Variants in PRKCA observed in about 807,000 individuals in gnomAD.
The protein encoded by PRKCA is protein kinase C alpha.
In PRKCA, 27 loss-of-function variants were observed where a neutral mutation model predicts 87.0. That is an observed-to-expected ratio of 0.31 (90% CI 0.23 to 0.43). The LOEUF is 0.43. PRKCA is among the 20% of genes least tolerant of loss of function. The pLI is 1.00. For synonymous variants in PRKCA, 329 were observed against 311.1 expected (o/e 1.06, Z -0.61); for missense variants, 518 against 852.3 (o/e 0.61, Z 4.88).
At chr17:66,464,960 A>T (rs1207712480) in intron 2 of PRKCA, among the ~76,000 whole-genome samples, 1 of 152,080 alleles carries the variant, frequency 6.6e-6, no homozygotes, top group Non-Finnish European at 1.5e-5. Flanking sequence ...GGTCATCTAG[A>T]TCTTTCTCCT....
intron 8 of PRKCA, among the ~76,000 whole-genome samples, chr17:66,713,251 C>T (rs983580412): frequency 9.2e-5 from 14 of 152,078 alleles, no homozygotes; most frequent in Middle Eastern, 3.4e-3. Flanking sequence ...GGGGTTTCAC[C>T]ATATTCACCA....
intron 8 of PRKCA, among the ~76,000 whole-genome samples, chr17:66,710,451 A>C (rs949905018): frequency 6.6e-6 from 1 of 151,942 alleles, no homozygotes; most frequent in African/African-American, 2.4e-5. Flanking sequence ...CAGGGCTGTC[A>C]TGTCCGCTTC....
intron 2 of PRKCA, among the ~76,000 whole-genome samples, chr17:66,393,420 C>T (rs1180656626): frequency 1.3e-5 from 2 of 152,160 alleles, no homozygotes; most frequent in East Asian, 1.9e-4. Context: ...CACACACACA[C>T]ACATCACATT....
chr17:66,509,080 C>T (rs1382707910), intron 3 of PRKCA, among the ~76,000 whole-genome samples: 3 of 152,104 alleles, frequency 2.0e-5, no homozygotes, highest in East Asian at 1.9e-4. Context: ...CTTCCCCTGG[C>T]GCTGTGTTTC....
intron 14 of PRKCA, chr17:66,775,697 GAA>G (rs1231904331): frequency 8.1e-6 from 8 of 985,308 alleles, no homozygotes; most frequent in South Asian, 4.7e-5. Flanking sequence ...TGTTTCTGGG[GAA>G]AAAGTCTTCC....
At chr17:66,631,154 A>G (rs1366084588) in intron 3 of PRKCA, among the ~76,000 whole-genome samples, 1 of 152,200 alleles carries the variant, frequency 6.6e-6, no homozygotes. Flanking sequence ...TTTGTTGTGG[A>G]AAGCCACTGA....
At chr17:66,797,038 A>C (rs1242650775) in intron 16 of PRKCA, 2 of 940,778 alleles carry the variant, frequency 2.1e-6, no homozygotes, top group Non-Finnish European at 2.5e-6. Context: ...TATTTCCCAT[A>C]ATTCCCATAG....
Position 66,651,619 on chromosome 17 carries a change from G to T in PRKCA, c.529+6108G>T, listed in dbSNP as rs181839795. On this transcript the variant is annotated intron_variant, in intron 5 of 16. Coordinates refer to ENST00000413366, the MANE Select transcript of PRKCA (RefSeq NM_002737.3). The stretch of plus-strand genomic sequence containing the variant: ...TTATTTAAAGGAAAAGGCATTAGTT[G>T]GAAGTCATTTCTGTTCAATAAATCT... 2.0e-5 allele frequency among the ~76,000 whole-genome samples: 3 copies of T among 152,302 alleles called. No homozygotes were observed. The East Asian group carries it at 5.8e-4, about 29-fold the overall frequency.
intron 15 of PRKCA, 94 bp from the exon 16 acceptor site, chr17:66,788,745 G>A: frequency 6.8e-7 from 1 of 1,462,800 alleles, no homozygotes; most frequent in Non-Finnish European, 9.2e-7. Context: ...CGTCCACAAA[G>A]TCAGGGCTGT....
At chr17:66,738,456 T>C (rs1345354613) in intron 10 of PRKCA, among the ~76,000 whole-genome samples, 1 of 152,198 alleles carries the variant, frequency 6.6e-6, no homozygotes, top group African/African-American at 2.4e-5. Flanking sequence ...ATTTATTATA[T>C]GTATAGGAAG....
intron 2 of PRKCA, among the ~76,000 whole-genome samples, chr17:66,391,943 G>T (rs1910380869): frequency 2.6e-5 from 4 of 152,094 alleles, no homozygotes; most frequent in African/African-American, 9.7e-5. Context: ...AGAAACTGTG[G>T]TTACAGGCCG....
intron 2 of PRKCA, among the ~76,000 whole-genome samples, chr17:66,469,237 G>A (rs755372491): frequency 6.6e-6 from 1 of 152,152 alleles, no homozygotes; most frequent in Non-Finnish European, 1.5e-5. Flanking sequence ...AGAGAAAGGT[G>A]CCCTGCTATC....
At chr17:66,456,122 G>A (rs934690356) in intron 2 of PRKCA, among the ~76,000 whole-genome samples, 4 of 151,864 alleles carry the variant, frequency 2.6e-5, no homozygotes, top group Non-Finnish European at 5.9e-5. Flanking sequence ...GATTTGCCAG[G>A]AGCCACCAGG....
At chr17:66,477,935 C>T (rs1411952138) in intron 2 of PRKCA, among the ~76,000 whole-genome samples, 1 of 152,158 alleles carries the variant, frequency 6.6e-6, no homozygotes, top group Non-Finnish European at 1.5e-5. Flanking sequence ...TCTTGTTTGA[C>T]CTAGCTTTAC....
intron 2 of PRKCA, among the ~76,000 whole-genome samples, chr17:66,495,931 A>G (rs945780366): frequency 3.9e-5 from 6 of 152,142 alleles, no homozygotes; most frequent in African/African-American, 1.4e-4. Flanking sequence ...CTGTCTTACA[A>G]TCTGATTCTC....
intron 16 of PRKCA, among the ~76,000 whole-genome samples, chr17:66,798,166 T>C (rs1975712582): frequency 6.6e-6 from 1 of 152,208 alleles, no homozygotes; most frequent in Non-Finnish European, 1.5e-5. Context: ...CCCTCAGCCC[T>C]TTAGCCTCTT....
At chr17:66,664,918 G>C (rs577503750) in intron 5 of PRKCA, among the ~76,000 whole-genome samples, 7 of 152,150 alleles carry the variant, frequency 4.6e-5, no homozygotes, top group African/African-American at 1.7e-4. Flanking sequence ...GGGATTACAG[G>C]TGTGAGCCAC....
At chr17:66,595,159 AT>A (rs2143562237) in intron 3 of PRKCA, among the ~76,000 whole-genome samples, 1 of 151,864 alleles carries the variant, frequency 6.6e-6, no homozygotes, top group South Asian at 2.1e-4. Context: ...CAATTTTCAA[AT>A]CTCCTTCTTC....
intron 3 of PRKCA, among the ~76,000 whole-genome samples, chr17:66,542,957 T>A (rs1380815460): frequency 6.6e-6 from 1 of 152,232 alleles, no homozygotes; most frequent in East Asian, 1.9e-4. Flanking sequence ...TCATAAAATA[T>A]CTTGGAGTTA....
Sources: gnomAD v4.1 joint callset for allele counts (sites outside exome capture counted in the v4.1 genomes callset) on GRCh38, gnomAD v4.1.1 for gene constraint, MANE v1.5 for transcripts, NCBI Gene and HGNC (gene_info 2026-07-23, HGNC 2026-07-21) for gene names.